The following HDAC5 variants were observed in gnomAD, a reference collection of about 807,000 sequenced individuals.
The protein encoded by HDAC5 is histone deacetylase 5, also known as antigen NY-CO-9.
Under a neutral mutation model 133.3 loss-of-function variants are expected in HDAC5, and 25 were observed. The observed-to-expected ratio is 0.19, with a 90% CI of 0.14 to 0.26. The LOEUF (loss-of-function observed/expected upper bound fraction) is 0.26, where lower values mean the gene tolerates loss of function less well. HDAC5 is among the 10% of genes least tolerant of loss of function. HDAC5 has a pLI of 1.00. For synonymous variants in HDAC5, 589 were observed against 610.8 expected, an observed-to-expected ratio of 0.96 and a Z score of 0.53; for missense variants, 1,041 against 1,460.5, an observed-to-expected ratio of 0.71 and a Z score of 4.68.
At chr17:44,094,839 T>A (rs1200484413) in intron 3 of HDAC5, among the ~76,000 whole-genome samples, 1 of 152,126 alleles carries the variant, frequency 6.6e-6, no homozygotes, top group East Asian at 1.9e-4. Flanking sequence ...GGTCTTGCTC[T>A]GTCGCCCAGG....
chr17:44,095,043 C>A (rs2051181739), intron 3 of HDAC5, among the ~76,000 whole-genome samples: 1 of 152,196 alleles, frequency 6.6e-6, no homozygotes, highest in South Asian at 2.1e-4. Context: ...GATCCTCCCA[C>A]CTCAGCCTCC....
At chr17:44,115,018 TCA>T (rs758667304) in intron 2 of HDAC5, among the ~76,000 whole-genome samples, 200 of 152,248 alleles carry the variant, frequency 1.3e-3, no homozygotes, top group Non-Finnish European at 2.0e-3. Flanking sequence ...AGGAAATCAC[TCA>T]CAGTCTCCAC....
intron 3 of HDAC5, among the ~76,000 whole-genome samples, chr17:44,095,970 G>A (rs1253319689): frequency 6.6e-6 from 1 of 152,240 alleles, no homozygotes; most frequent in East Asian, 1.9e-4. Flanking sequence ...GGCTCAGGGA[G>A]TGCACGAAGT....
intron 24 of HDAC5, 94 bp downstream of exon 24, chr17:44,079,049 GA>G: frequency 6.5e-7 from 1 of 1,545,766 alleles, no homozygotes. Flanking sequence ...TAGGACCAAG[GA>G]AAAGCTTCCT....
At chr17:44,080,982 C>G in intron 20 of HDAC5, 100 bp from the exon 21 acceptor site, 2 of 1,529,918 alleles carry the variant, frequency 1.3e-6, no homozygotes, top group East Asian at 4.5e-5. Flanking sequence ...GCCTGTAATC[C>G]TAGCATTTTG....
At chr17:44,097,088 G>A (rs73314415) in intron 3 of HDAC5, among the ~76,000 whole-genome samples, 2,791 of 152,310 alleles carry the variant, frequency 0.018, 92 homozygotes, top group African/African-American at 0.064. Flanking sequence ...GCTAAGAGAG[G>A]CCCCCACACC....
At chr17:44,083,062 T>C (rs1272095747) in intron 18 of HDAC5, among the ~76,000 whole-genome samples, 1 of 152,138 alleles carries the variant, frequency 6.6e-6, no homozygotes, top group African/African-American at 2.4e-5. Context: ...CACTACAACC[T>C]TGGCCTCCCA....
intron 2 of HDAC5, among the ~76,000 whole-genome samples, chr17:44,115,222 G>A (rs1309160326): frequency 2.0e-5 from 3 of 152,208 alleles, no homozygotes; most frequent in Admixed American, 6.5e-5. Flanking sequence ...CCCTTACAAA[G>A]CCTACTGTCC....
At chr17:44,083,501 C>A (rs775301712) in intron 18 of HDAC5, 44 bp downstream of exon 18, 1 of 1,412,738 alleles carries the variant, frequency 7.1e-7, no homozygotes, top group South Asian at 1.2e-5. Context: ...CTCTGAGGAG[C>A]AGGGCCATGC....
intron 16 of HDAC5, 74 bp downstream of exon 16, chr17:44,084,481 G>T: frequency 1.3e-6 from 2 of 1,582,666 alleles, no homozygotes; most frequent in Non-Finnish European, 1.7e-6. Context: ...AGCCTGGTCA[G>T]GCAGTCTTCC....
intron 1 of HDAC5, among the ~76,000 whole-genome samples, chr17:44,121,130 G>A (rs1289067546): frequency 1.3e-5 from 2 of 151,648 alleles, no homozygotes; most frequent in African/African-American, 4.8e-5. Flanking sequence ...AAAGAGAGGG[G>A]GGTGGTGAGA....
At chr17:44,078,475 A>T in intron 26 of HDAC5, 25 bp downstream of exon 26, 1 of 1,593,080 alleles carries the variant, frequency 6.3e-7, no homozygotes. Flanking sequence ...GTGAGGGCAG[A>T]GAGGTGGTGC....
intron 20 of HDAC5, 93 bp downstream of exon 20, chr17:44,082,492 T>C (rs1567982661): frequency 5.0e-6 from 5 of 1,001,222 alleles, no homozygotes; most frequent in East Asian, 2.4e-5. Flanking sequence ...ACTGGGGTGC[T>C]TGAAGGTGGG....
rs112437247 is a variant in HDAC5 at position 44,078,438 on chromosome 17, G to A, written c.3330-23C>T. On this transcript the variant is annotated intron_variant, in intron 26 of 26. Transcript: ENST00000682912. ...GGCCTGTGGGGCAAGCACAGGGGAG[G>A]GTATTGAGTGGGGCGCACCAGCAGG... The A allele has an allele frequency of 1.4e-5, 21 of 1,554,614 alleles. 1 individual carries two copies. In the African/African-American group the frequency reaches 1.5e-4, roughly 11 times the overall value.
chr17:44,087,354 G>A, intron 13 of HDAC5, 58 bp downstream of exon 13: 1 of 716,398 alleles, frequency 1.4e-6, no homozygotes, highest in Non-Finnish European at 2.6e-6. Context: ...GGCAGAGGCA[G>A]GGGTGGAGAA....
rs1167083403 is a variant in HDAC5 at position 44,093,413 on chromosome 17, GCT to G, written c.425_426del (p.Glu142AlafsTer40). On this transcript the variant is annotated frameshift_variant, in exon 5 of 27. Coordinates refer to ENST00000682912, the MANE Select transcript of HDAC5 (RefSeq NM_005474.5). LOFTEE classifies it high-confidence loss of function. ...MLAAKRQQEL[E>X]QQRQREQQRQ... ...CGCTGCTGCTCCCGCTGCCGCTGCT[GCT>G]CCAGCTCCTGCTGCCGCTTGGCTGC... is the stretch of plus-strand genomic sequence containing the variant. 3.8e-6 allele frequency: 6 copies of G among 1,597,552 alleles called. No individual in the cohort carries two copies. The highest frequency in any genetic ancestry group is 1.3e-5 in the African/African-American group (1 of 74,640).
In HDAC5 at chr17:44,110,852, G is replaced by A. The variant is rs1275886351; in HGVS notation, c.23-52C>T. 11 of 1,477,470 alleles carry A rather than the reference G, an allele frequency of 7.4e-6. No individual in the cohort carries two copies. In the East Asian group the frequency reaches 2.5e-4, roughly 34 times the overall value. 91.5% of individuals were successfully genotyped at this position (1,477,470 alleles called of 1,614,324 possible). A position where few individuals can be genotyped will look rare whatever the true frequency, so the allele number is the denominator to read the frequency against. On this transcript the variant is annotated intron_variant, in intron 2 of 26. Transcript: ENST00000682912. ...TAGATGGTCTGCAGCATCTCCACGA[G>A]CCCCTGAGCCTTGGGCACCAGCAGC...
In HDAC5 at chr17:44,084,552, C is replaced by G; in HGVS notation, c.2305+3G>C. The G allele has an allele frequency of 6.2e-7, 1 of 1,613,968 alleles. No individual in the cohort carries two copies. The highest frequency in any genetic ancestry group is 8.5e-7 in the Non-Finnish European group (1 of 1,179,906). On this transcript the variant is annotated splice_donor_region_variant and intron_variant, in intron 16 of 26. Transcript: ENST00000682912. Reference sequence around the variant, plus strand: ...CTGCCCGCCCACCCATGTGCCAGCTCACCGAGCAACTTCTTGCTGTCTAGC... The same window carrying G: ...CTGCCCGCCCACCCATGTGCCAGCTGACCGAGCAACTTCTTGCTGTCTAGC...
intron 2 of HDAC5, among the ~76,000 whole-genome samples, chr17:44,116,423 G>C (rs1410018618): frequency 6.6e-6 from 1 of 152,156 alleles, no homozygotes; most frequent in Non-Finnish European, 1.5e-5. Context: ...AAGGAGAACA[G>C]CAAACCCTAC....
Sources: gnomAD v4.1 joint callset for allele counts (sites outside exome capture counted in the v4.1 genomes callset) on GRCh38, gnomAD v4.1.1 for gene constraint, MANE v1.5 for transcripts, NCBI Gene and HGNC (gene_info 2026-07-23, HGNC 2026-07-21) for gene names.